Variants in TENM3 observed in about 807,000 individuals in gnomAD.
TENM3 encodes the protein teneurin-3.
TENM3 carries 63 observed loss-of-function variants against 255.1 expected under a neutral mutation model. That is an observed-to-expected ratio of 0.25 (90% confidence interval 0.20 to 0.30). TENM3 has a LOEUF of 0.30. TENM3 is among the 10% of genes least tolerant of loss of function. The pLI, the probability that TENM3 is intolerant of heterozygous loss-of-function variation, is 1.00. For missense variants in TENM3, 2,929 were observed against 3,461.1 expected, an observed-to-expected ratio of 0.85 and a Z score of 3.86; for synonymous variants, 1,306 against 1,322.3, an observed-to-expected ratio of 0.99 and a Z score of 0.27.
In TENM3 at chr4:182,793,147, C is replaced by G. The variant is rs1766235785; in HGVS notation, c.6475C>G (p.Leu2159Val). Residue 2159 changes from leucine to valine, a missense_variant, in exon 26 of 28, where the codon CTC becomes GTC. Leu to Val is a conservative substitution (Grantham distance 32, BLOSUM62 1). Around this residue, in one of 6 missense-constraint regions of TENM3, gnomAD observed 256 missense variants for 389.3 expected, o/e 0.66. Transcript: ENST00000511685. The surrounding 1 kb of genome is among the most constrained non-coding windows in gnomAD (Gnocchi z 5.7). ...GTACAACTACGATCTGAATGGAAAC[C>G]TCCATTTACTGAACCCAAGTAACAG... ...WRYNYDLNGN[L>V]HLLNPSNSAR... 3.1e-6 allele frequency: 5 copies of G among 1,613,894 alleles called. No homozygotes were observed. Among genetic ancestry groups the G allele is most frequent in the Non-Finnish European group, 4.2e-6 (5 of 1,179,896 alleles).
At chr4:182,295,750 T>C (rs1761446643) in intron 1 of TENM3, among the ~76,000 whole-genome samples, 1 of 152,124 alleles carries the variant, frequency 6.6e-6, no homozygotes, top group South Asian at 2.1e-4. Flanking sequence ...TTCAATGCTA[T>C]TTGAGTTTTT....
intron 3 of TENM3, among the ~76,000 whole-genome samples, chr4:182,397,778 G>T (rs181369231): frequency 2.0e-5 from 3 of 152,284 alleles, no homozygotes; most frequent in Admixed American, 6.5e-5. Context: ...CCAAGTTTCT[G>T]ATTCGGTGGC....
At chr4:182,636,704 G>A (rs1252012395) in intron 5 of TENM3, among the ~76,000 whole-genome samples, 5 of 147,316 alleles carry the variant, frequency 3.4e-5, no homozygotes, top group African/African-American at 1.0e-4. Context: ...GCAACAGAGT[G>A]AGACTCTGTC....
At chr4:181,551,653 T>G in the TENM3 span, among the ~76,000 whole-genome samples, 1 of 152,028 alleles carries the variant, frequency 6.6e-6, no homozygotes, top group African/African-American at 2.4e-5. Flanking sequence ...ACAAACAGTG[T>G]TTGAAAAGAG....
chr4:181,690,793 T>C, the TENM3 span, among the ~76,000 whole-genome samples: 1 of 152,198 alleles, frequency 6.6e-6, no homozygotes, highest in Non-Finnish European at 1.5e-5. Flanking sequence ...TTGACAGTTA[T>C]AGGTATAAAT....
the TENM3 span, among the ~76,000 whole-genome samples, chr4:181,496,636 C>T: frequency 2.8e-4 from 42 of 152,274 alleles, no homozygotes; most frequent in African/African-American, 9.1e-4. Flanking sequence ...CAACACATTT[C>T]GTTAGCATCG....
intron 1 of TENM3, among the ~76,000 whole-genome samples, chr4:182,299,176 T>C (rs758734386): frequency 6.6e-6 from 1 of 151,740 alleles, no homozygotes; most frequent in Non-Finnish European, 1.5e-5. Flanking sequence ...AAATTCTCAA[T>C]TGCACTAGTT....
the TENM3 span, among the ~76,000 whole-genome samples, chr4:181,464,472 CT>C: frequency 6.6e-6 from 1 of 152,134 alleles, no homozygotes; most frequent in Non-Finnish European, 1.5e-5. Context: ...CATTTAAACT[CT>C]TGACCCAATT....
At chr4:182,546,346 G>A (rs966858332) in intron 3 of TENM3, among the ~76,000 whole-genome samples, 8 of 152,154 alleles carry the variant, frequency 5.3e-5, no homozygotes, top group Admixed American at 1.3e-4. Flanking sequence ...TGTCTGTTTG[G>A]TTTAATGCTG....
chr4:182,786,374 T>A (rs1366827652), intron 24 of TENM3, among the ~76,000 whole-genome samples: 1 of 151,894 alleles, frequency 6.6e-6, no homozygotes, highest in African/African-American at 2.4e-5. Flanking sequence ...CTGGCCAACA[T>A]GGTGAGACCC....
intron 6 of TENM3, among the ~76,000 whole-genome samples, chr4:182,655,711 G>T (rs933508080): frequency 1.3e-5 from 2 of 152,162 alleles, no homozygotes; most frequent in Non-Finnish European, 2.9e-5. Flanking sequence ...AACATCACAT[G>T]AATGTGGCCA....
rs1581066759 is a variant in TENM3 at position 182,601,117 on chromosome 4, G to T, written c.705G>T (p.Leu235=). 6.2e-7 allele frequency: 1 copy of T among 1,613,866 alleles called. No homozygotes were observed. The highest frequency in any genetic ancestry group is 2.2e-5 in the East Asian group (1 of 44,852). ...ELQTTPESVQ[L]QDSWVLGSNV... ...AAACCACACCCGAGTCCGTCCAGCT[G>T]CAGGACAGCTGGGTCCTTGGCAGTA... The change falls in exon 4 of 28, where the codon CTG becomes CTT. Residue 235 remains leucine (L), a synonymous_variant. Coordinates refer to ENST00000511685, the MANE Select transcript of TENM3 (RefSeq NM_001080477.4).
chr4:181,922,359 G>T, the TENM3 span, among the ~76,000 whole-genome samples: 2 of 152,126 alleles, frequency 1.3e-5, no homozygotes, highest in South Asian at 4.1e-4. Context: ...GAATCCATCT[G>T]GTCCTGGACT....
At chr4:181,660,261 C>G in the TENM3 span, among the ~76,000 whole-genome samples, 3 of 152,076 alleles carry the variant, frequency 2.0e-5, no homozygotes, top group African/African-American at 7.2e-5. Context: ...CAGTCAGTCC[C>G]TTTGCCCCCT....
the TENM3 span, among the ~76,000 whole-genome samples, chr4:182,043,261 G>T: frequency 1.3e-5 from 2 of 152,132 alleles, no homozygotes; most frequent in Non-Finnish European, 2.9e-5. Flanking sequence ...GGTATACAGG[G>T]TATCTGTCTT....
chr4:182,481,480 A>T lies in TENM3; in HGVS notation c.512-119444A>T, dbSNP rs10446834. 6.1e-3 allele frequency among the ~76,000 whole-genome samples: 912 copies of T among 150,104 alleles called. 2 individuals carry two copies. Among genetic ancestry groups the T allele is most frequent in the Non-Finnish European group, 0.01 (679 of 67,082 alleles). Reference sequence around the variant, plus strand: ...TTTACACTTACGTTGAGATTTTTTTAAAATTATTTTTCTACTTTAAAATAT... The same window carrying T: ...TTTACACTTACGTTGAGATTTTTTTTAAATTATTTTTCTACTTTAAAATAT... On this transcript the variant is annotated intron_variant, in intron 3 of 27. Transcript: ENST00000511685.
At chr4:182,682,938 A>T (rs1450050785) in intron 11 of TENM3, among the ~76,000 whole-genome samples, 1 of 152,226 alleles carries the variant, frequency 6.6e-6, no homozygotes, top group African/African-American at 2.4e-5. Flanking sequence ...ATGGAATATT[A>T]TGCTAAATTC....
At chr4:182,663,010 C>T (rs974278039) in intron 6 of TENM3, among the ~76,000 whole-genome samples, 3 of 152,146 alleles carry the variant, frequency 2.0e-5, no homozygotes, top group South Asian at 2.1e-4. Flanking sequence ...ATCTAAGCTG[C>T]CGTTTCAGTG....
chr4:182,660,113 C>T (rs2152527641), intron 6 of TENM3, among the ~76,000 whole-genome samples: 1 of 152,186 alleles, frequency 6.6e-6, no homozygotes, highest in Non-Finnish European at 1.5e-5. Context: ...ATAGTAAATG[C>T]TTGAAAAATG....
Sources: gnomAD v4.1 joint callset for allele counts (sites outside exome capture counted in the v4.1 genomes callset) on GRCh38, gnomAD v4.1.1 for gene constraint, gnomAD v4.1.1 regional missense constraint, Gnocchi (gnomAD v3.1) non-coding constraint, MANE v1.5 for transcripts, NCBI Gene and HGNC (gene_info 2026-07-23, HGNC 2026-07-21) for gene names.